Variants in SLC35F3 observed in about 807,000 individuals in gnomAD.
SLC35F3 encodes putative thiamine transporter SLC35F3.
SLC35F3 carries 25 observed loss-of-function variants against 49.9 expected under a neutral mutation model. The ratio of observed to expected loss-of-function variants is 0.50; its 90% confidence interval spans 0.37 to 0.70. SLC35F3 has a LOEUF of 0.70. Ranked by LOEUF, SLC35F3 falls within the 30% of genes least tolerant of loss-of-function variation. The pLI is 0.00. For synonymous variants in SLC35F3, 275 were observed against 265.4 expected (o/e 1.04, Z -0.35); for missense variants, 525 against 639.8 (o/e 0.82, Z 1.94).
chr1:234,052,954 G>A (rs1664401042), intron 2 of SLC35F3, among the ~76,000 whole-genome samples: 1 of 152,210 alleles, frequency 6.6e-6, no homozygotes, highest in Admixed American at 6.5e-5. Flanking sequence ...AGCTTTGAGT[G>A]AGTTTCTTAA....
chr1:234,084,633 C>A (rs140926048), intron 2 of SLC35F3, among the ~76,000 whole-genome samples: 2 of 152,298 alleles, frequency 1.3e-5, no homozygotes, highest in African/African-American at 4.8e-5. Flanking sequence ...TCTTGATTGA[C>A]TGAATGGAAC....
chr1:234,188,398 G>A (rs1023691383), intron 2 of SLC35F3, among the ~76,000 whole-genome samples: 6 of 152,118 alleles, frequency 3.9e-5, no homozygotes, highest in South Asian at 2.1e-4. Context: ...TGGGTTGTGC[G>A]GGAGCTGGAT....
intron 2 of SLC35F3, among the ~76,000 whole-genome samples, chr1:233,907,228 A>G (rs1035367267): frequency 6.6e-6 from 1 of 152,258 alleles, no homozygotes; most frequent in Non-Finnish European, 1.5e-5. Flanking sequence ...CAGCCTTCAT[A>G]AAGTCATCTC....
intron 2 of SLC35F3, among the ~76,000 whole-genome samples, chr1:234,139,603 G>A (rs1665860922): frequency 6.6e-6 from 1 of 152,050 alleles, no homozygotes; most frequent in African/African-American, 2.4e-5. Context: ...CCATGGTCAA[G>A]TTGCCCGTGG....
At chr1:234,142,120 A>G (rs1459458144) in intron 2 of SLC35F3, among the ~76,000 whole-genome samples, 3 of 152,206 alleles carry the variant, frequency 2.0e-5, no homozygotes, top group African/African-American at 7.2e-5. Flanking sequence ...AAGGCAGAGT[A>G]AAGAGAGGAT....
intron 2 of SLC35F3, among the ~76,000 whole-genome samples, chr1:234,072,928 T>C (rs1664739747): frequency 6.6e-6 from 1 of 152,044 alleles, no homozygotes; most frequent in African/African-American, 2.4e-5. Context: ...AGAATCACTT[T>C]GGTTGTTATA....
At chr1:234,089,161 C>A (rs996037641) in intron 2 of SLC35F3, among the ~76,000 whole-genome samples, 2 of 151,710 alleles carry the variant, frequency 1.3e-5, no homozygotes, top group African/African-American at 4.9e-5. Flanking sequence ...TCACCCAGGG[C>A]ACACACTTTT....
chr1:234,162,508 A>G (rs1055737597), intron 2 of SLC35F3, among the ~76,000 whole-genome samples: 24 of 151,084 alleles, frequency 1.6e-4, no homozygotes, highest in African/African-American at 3.4e-4. Context: ...TCTCTCCTGT[A>G]TAGCTGGTGT....
chr1:234,236,379 G>C (rs1356679516), intron 3 of SLC35F3, among the ~76,000 whole-genome samples: 1 of 152,118 alleles, frequency 6.6e-6, no homozygotes, highest in Non-Finnish European at 1.5e-5. Context: ...GGTTAAGGCT[G>C]TAATAAGCAG....
intron 2 of SLC35F3, among the ~76,000 whole-genome samples, chr1:233,976,909 C>T (rs781361848): frequency 2.0e-5 from 3 of 152,214 alleles, no homozygotes; most frequent in Non-Finnish European, 2.9e-5. Flanking sequence ...CCATGCCCGG[C>T]TGGTACTCAA....
chr1:234,105,884 C>T (rs1665277754), intron 2 of SLC35F3, among the ~76,000 whole-genome samples: 2 of 152,144 alleles, frequency 1.3e-5, no homozygotes, highest in African/African-American at 4.8e-5. Flanking sequence ...TGGGTAGAAG[C>T]TATAGAGCCA....
At chr1:233,985,883 AC>A (rs1318660916) in intron 2 of SLC35F3, among the ~76,000 whole-genome samples, 1 of 152,220 alleles carries the variant, frequency 6.6e-6, no homozygotes, top group Non-Finnish European at 1.5e-5. Flanking sequence ...TTTTAATCAA[AC>A]AAACGTTCTT....
rs996114629 is a variant in SLC35F3, at chr1:233,905,131, G to T, written c.53+1G>T. 5.8e-6 allele frequency: 9 copies of T among 1,555,962 alleles called. No homozygotes were observed. In the Admixed American group the frequency reaches 1.8e-4, roughly 30 times the overall value. On this transcript the variant is annotated splice_donor_variant, in intron 1 of 7. Transcript: ENST00000366618. LOFTEE classifies it high-confidence loss of function. The stretch of plus-strand genomic sequence containing the variant: ...CACCCAGGGGCAAGAGCATTGCCGT[G>T]TGAGTAGCGCCCCGGGCGTGGGTGA...
At chr1:234,191,870 T>G (rs898979981) in intron 2 of SLC35F3, among the ~76,000 whole-genome samples, 29 of 152,030 alleles carry the variant, frequency 1.9e-4, no homozygotes, top group African/African-American at 6.5e-4. Context: ...ATGGATAAAT[T>G]CCTGGAAATA....
intron 2 of SLC35F3, among the ~76,000 whole-genome samples, chr1:234,127,184 A>G (rs1464291061): frequency 6.6e-6 from 1 of 152,154 alleles, no homozygotes; most frequent in African/African-American, 2.4e-5. Context: ...CTAATTGAAT[A>G]CTCAATGCCC....
chr1:234,236,903 C>T (rs956538619), intron 3 of SLC35F3, among the ~76,000 whole-genome samples: 3 of 106,692 alleles, frequency 2.8e-5, no homozygotes, highest in African/African-American at 1.1e-4. Context: ...GAGTGGGAGA[C>T]AGTCTCCTAT....
intron 3 of SLC35F3, among the ~76,000 whole-genome samples, chr1:234,303,498 C>T (rs1244247241): frequency 1.3e-5 from 2 of 152,356 alleles, no homozygotes; most frequent in Non-Finnish European, 2.9e-5. Context: ...CCTTGGTCTA[C>T]ACCCTTGCTT....
At chr1:234,131,126 AAG>A (rs768188878) in intron 2 of SLC35F3, among the ~76,000 whole-genome samples, 4 of 152,140 alleles carry the variant, frequency 2.6e-5, no homozygotes, top group Non-Finnish European at 4.4e-5. Flanking sequence ...TTTGGGATGA[AAG>A]AGGGAATAGT....
At chr1:234,092,315 T>A (rs1665055118) in intron 2 of SLC35F3, among the ~76,000 whole-genome samples, 1 of 152,212 alleles carries the variant, frequency 6.6e-6, no homozygotes, top group Admixed American at 6.5e-5. Flanking sequence ...TGAATGTTAC[T>A]CTATTCTTAG....
Sources: gnomAD v4.1 joint callset for allele counts (sites outside exome capture counted in the v4.1 genomes callset) on GRCh38, gnomAD v4.1.1 for gene constraint, MANE v1.5 for transcripts, NCBI Gene and HGNC (gene_info 2026-07-23, HGNC 2026-07-21) for gene names.